The following NOSIP variants were observed in gnomAD, a reference collection of about 807,000 sequenced individuals.
NOSIP encodes nitric oxide synthase interacting protein.
A neutral mutation model predicts 36.4 loss-of-function variants in NOSIP; 25 were observed. That is an observed-to-expected ratio of 0.69 (90% confidence interval 0.50 to 0.96). The LOEUF is 0.96. Ranked by LOEUF, NOSIP falls within the 40% of genes least tolerant of loss-of-function variation. NOSIP has a pLI of 0.00. For missense variants in NOSIP, 370 were observed against 429.0 expected, an observed-to-expected ratio of 0.86 and a Z score of 1.21; for synonymous variants, 187 against 179.2, an observed-to-expected ratio of 1.04 and a Z score of -0.35.
rs191985623 is a variant in NOSIP, at chr19:49,569,535, G to A, written c.-1-8843C>T. On this transcript the variant is annotated intron_variant, in intron 1 of 8. Transcript: ENST00000596358. The stretch of plus-strand genomic sequence containing the variant: ...TTTTAAAGAACATTTGGCCGGGCAC[G>A]GTGGCTCACACCTGTAATCCCAGCA... 3.7e-3 allele frequency among the ~76,000 whole-genome samples: 544 copies of A among 146,574 alleles called. 5 individuals carry two copies. Among genetic ancestry groups the A allele is most frequent in the Middle Eastern group, 0.011 (3 of 282 alleles).
At chr19:49,557,695 C>T (rs1186520121) in intron 4 of NOSIP, 1 of 1,001,166 alleles carries the variant, frequency 1.0e-6, no homozygotes. Context: ...GGGATGTAGA[C>T]TTCAGATCTA....
In NOSIP at chr19:49,557,587, G is replaced by A. The variant is rs1331128033; in HGVS notation, c.259-338C>T. The A allele has an allele frequency of 5.9e-6, 7 of 1,189,306 alleles. No homozygotes were observed. In the Admixed American group the frequency reaches 2.9e-4, roughly 48 times the overall value. 73.7% of individuals were successfully genotyped at this position (1,189,306 alleles called of 1,614,324 possible). ...ATAAGGTGAGTGTTTACAGCATGGA[G>A]AGCCTCACCTGGCACTCAGCTAAGC... On this transcript the variant is annotated intron_variant, in intron 4 of 8. Transcript: ENST00000596358.
At position 49,556,664 on chromosome 19, in the gene NOSIP, G is replaced by A; in HGVS notation, c.610C>T (p.Pro204Ser). 6.2e-7 allele frequency: 1 copy of A among 1,611,850 alleles called. No homozygotes were observed. The highest frequency in any genetic ancestry group is 8.5e-7 in the Non-Finnish European group (1 of 1,179,542). The part of the protein sequence containing the change: ...MSDLTPVHFT[P>S]LDSSVDRVGL... Reference sequence around the variant, plus strand: ...ACGCGGTCCACGGAGCTGTCTAGCGGTGTGAAGTGCACGGGCGTCAGGTCC... The same window carrying A: ...ACGCGGTCCACGGAGCTGTCTAGCGATGTGAAGTGCACGGGCGTCAGGTCC... Residue 204 changes from proline to serine, a missense_variant, in exon 7 of 9, where the codon CCG becomes TCG. Physicochemically the swap from Pro to Ser is moderately conservative, Grantham distance 74. This residue lies in a region of NOSIP where 315 missense variants were observed against 331.9 expected (regional missense o/e 0.95). Transcript: ENST00000596358.
Position 49,557,225 on chromosome 19 carries a change from G to A in NOSIP, c.283C>T (p.Arg95Trp), listed in dbSNP as rs200238455. 1.5e-4 allele frequency: 242 copies of A among 1,594,568 alleles called. No homozygotes were observed. The highest frequency in any genetic ancestry group is 1.8e-4 in the Non-Finnish European group (214 of 1,171,446). ...MKAYEKQRGT[R>W]REEQKELQRA... Reference sequence around the variant, plus strand: ...TGAAGCTCCTTCTGCTCCTCGCGCCGGGTGCCCCGCTGCTTCTCGTAGGCC... The same window carrying A: ...TGAAGCTCCTTCTGCTCCTCGCGCCAGGTGCCCCGCTGCTTCTCGTAGGCC... Residue 95 changes from arginine (R) to tryptophan (W), a missense_variant, in exon 5 of 9, where the codon CGG becomes TGG. Arg to Trp is a moderately radical substitution (Grantham distance 101, BLOSUM62 -3). Coordinates refer to ENST00000596358, the MANE Select transcript of NOSIP (RefSeq NM_001270960.2).
chr19:49,558,243 A>ACCT (rs2080281823), intron 4 of NOSIP: 2 of 124,298 alleles, frequency 1.6e-5, no homozygotes, highest in Admixed American at 7.9e-5. Flanking sequence ...CACGTAGCAC[A>ACCT]TCTTTTTTTT....
chr19:49,566,477 T>C (rs1314040707), intron 1 of NOSIP, among the ~76,000 whole-genome samples: 2 of 151,962 alleles, frequency 1.3e-5, no homozygotes, highest in East Asian at 1.9e-4. Context: ...CCCAGCTAAT[T>C]TTTTATCCAG....
At chr19:49,561,648 G>T (rs957996535) in intron 1 of NOSIP, among the ~76,000 whole-genome samples, 60 of 152,266 alleles carry the variant, frequency 3.9e-4, no homozygotes, top group African/African-American at 1.4e-3. Context: ...TTGGGAGGCT[G>T]AGTCAGGTGG....
At chr19:49,561,530 C>T (rs1220703490) in intron 1 of NOSIP, among the ~76,000 whole-genome samples, 3 of 152,146 alleles carry the variant, frequency 2.0e-5, no homozygotes, top group Non-Finnish European at 4.4e-5. Context: ...GGGCAACCCC[C>T]ACCCTTTTAA....
In NOSIP at chr19:49,560,542, A is replaced by G. The variant is rs530111660; in HGVS notation, c.70+80T>C. On this transcript the variant is annotated intron_variant, in intron 2 of 8. Transcript: ENST00000596358. This position sits in a 1 kb window ranked among gnomAD's most constrained non-coding sequence, Gnocchi z 4.6. ...GGCGGGAGAGAGACAGGGACAGAGG[A>G]AGCAAAACCTGGGGCACGAGGGGAG... 478 of 1,119,744 alleles carry G rather than the reference A, an allele frequency of 4.3e-4. No homozygotes were observed. The highest frequency in any genetic ancestry group is 5.0e-4 in the Non-Finnish European group (374 of 754,744). The allele number at this position is 1,119,744 out of a possible 1,614,324, so 69.4% of individuals were successfully genotyped here.
At chr19:49,574,572 G>A (rs952833692) in intron 1 of NOSIP, among the ~76,000 whole-genome samples, 1 of 152,212 alleles carries the variant, frequency 6.6e-6, no homozygotes. Context: ...CACCACTCTG[G>A]GTGGCTTAAA....
intron 1 of NOSIP, among the ~76,000 whole-genome samples, chr19:49,564,203 C>A (rs2080372487): frequency 6.6e-6 from 1 of 152,052 alleles, no homozygotes; most frequent in African/African-American, 2.4e-5. Context: ...CCTGTAATCC[C>A]AGCACTTTGG....
chr19:49,572,182 T>G (rs932587128), intron 1 of NOSIP, among the ~76,000 whole-genome samples: 2 of 150,006 alleles, frequency 1.3e-5, no homozygotes, highest in Non-Finnish European at 1.5e-5. Context: ...CTCGGCTCAC[T>G]GCAACCTTCA....
At position 49,560,640 on chromosome 19, in the gene NOSIP, C is replaced by T. The variant is rs1343160133; in HGVS notation, c.52G>A (p.Glu18Lys). The change falls in exon 2 of 9, where the codon GAG (glutamate) becomes AAG (lysine). Residue 18 changes from glutamate to lysine, a missense_variant. Transcript: ENST00000596358. The surrounding 1 kb of genome is among the most constrained non-coding windows in gnomAD (Gnocchi z 4.6). Reference sequence around the variant, plus strand: ...CCTGCACCTGTGTCCTTCTTCTTCTCGTGGTAGGTGTAGACGGCCCCTGCG... The same window carrying T: ...CCTGCACCTGTGTCCTTCTTCTTCTTGTGGTAGGTGTAGACGGCCCCTGCG... The part of the protein sequence containing the change: ...CTAGAVYTYH[E>K]KKKDTAASGY... The T allele has an allele frequency of 6.3e-7, 1 of 1,595,100 alleles. No individual in the cohort carries two copies. The highest frequency in any genetic ancestry group is 1.7e-5 in the Admixed American group (1 of 57,558).
chr19:49,566,038 T>C (rs1029600897), intron 1 of NOSIP, among the ~76,000 whole-genome samples: 8 of 152,030 alleles, frequency 5.3e-5, no homozygotes, highest in African/African-American at 1.9e-4. Flanking sequence ...TTTTTTTTTT[T>C]TGAGACAGTC....
intron 1 of NOSIP, among the ~76,000 whole-genome samples, chr19:49,577,196 A>C (rs2122201875): frequency 6.6e-6 from 1 of 152,326 alleles, no homozygotes; most frequent in East Asian, 1.9e-4. Flanking sequence ...TGGAAAAGTC[A>C]CAGTTTCTCA....
At position 49,568,778 on chromosome 19, in the gene NOSIP, C is replaced by CT. The variant is rs781534464; in HGVS notation, c.-1-8087dup. On this transcript the variant is annotated intron_variant, in intron 1 of 8. Coordinates refer to ENST00000596358, the MANE Select transcript of NOSIP (RefSeq NM_001270960.2). The stretch of plus-strand genomic sequence containing the variant: ...TGGGCAATATAGCTAGACCCCATCT[C>CT]TAAAAAAAAAAAAAAAATAGTTTGT... Among the ~76,000 whole-genome samples, 416 of 127,988 alleles carry CT rather than the reference C, an allele frequency of 3.3e-3. 1 individual carries two copies. Among genetic ancestry groups the CT allele is most frequent in the Non-Finnish European group, 5.1e-3 (326 of 64,128 alleles). The allele number at this position is 127,988 out of a possible 152,430, so 84.0% of individuals were successfully genotyped here.
intron 1 of NOSIP, among the ~76,000 whole-genome samples, chr19:49,577,544 A>C (rs2080569302): frequency 6.6e-6 from 1 of 151,878 alleles, no homozygotes; most frequent in Non-Finnish European, 1.5e-5. Context: ...TGTCTCAAAA[A>C]AAGAAAAAAA....
intron 1 of NOSIP, among the ~76,000 whole-genome samples, chr19:49,576,230 C>A (rs1286318068): frequency 1.3e-5 from 2 of 152,022 alleles, no homozygotes; most frequent in Non-Finnish European, 2.9e-5. Context: ...TGTTGTGGCT[C>A]ATACCTGGAT....
At chr19:49,564,281 C>G (rs2080373694) in intron 1 of NOSIP, among the ~76,000 whole-genome samples, 1 of 151,738 alleles carries the variant, frequency 6.6e-6, no homozygotes. Flanking sequence ...GGCAAAACCC[C>G]ATCTGTACTA....
Sources: gnomAD v4.1 joint callset for allele counts (sites outside exome capture counted in the v4.1 genomes callset) on GRCh38, gnomAD v4.1.1 for gene constraint, gnomAD v4.1.1 regional missense constraint, Gnocchi (gnomAD v3.1) non-coding constraint, MANE v1.5 for transcripts, NCBI Gene and HGNC (gene_info 2026-07-23, HGNC 2026-07-21) for gene names.